Variants in MLLT1 observed in about 807,000 individuals in gnomAD.
MLLT1 encodes the protein protein ENL.
Under a neutral mutation model 55.1 loss-of-function variants are expected in MLLT1, and 11 were observed. The ratio of observed to expected loss-of-function variants is 0.20; its 90% CI spans 0.13 to 0.33. The LOEUF (loss-of-function observed/expected upper bound fraction) is 0.33. Ranked by LOEUF, MLLT1 falls within the 10% of genes least tolerant of loss-of-function variation. The pLI is 1.00. For missense variants in MLLT1, 536 were observed against 760.6 expected (o/e 0.70, Z 3.47); for synonymous variants, 323 against 320.1 (o/e 1.01, Z -0.10).
intron 2 of MLLT1, among the ~76,000 whole-genome samples, chr19:6,267,055 A>C (rs866630937): frequency 6.6e-6 from 1 of 152,076 alleles, no homozygotes; most frequent in East Asian, 1.9e-4. Context: ...GCTTGAGCCC[A>C]AGGAGTTGGA....
In MLLT1 at chr19:6,216,434, G is replaced by A. The variant is rs374343929; in HGVS notation, c.1278C>T (p.Ala426=). Reference sequence around the variant, plus strand: ...AGTCCCTCCCCGGGTTGGTCTTGCCGGCAGCCTCCTCGCCTGACGAAGAGT... The same window carrying A: ...AGTCCCTCCCCGGGTTGGTCTTGCCAGCAGCCTCCTCGCCTGACGAAGAGT... ...EDDSSSGEEA[A]GKTNPGRDSR... Residue 426 remains alanine, a synonymous_variant, in exon 8 of 12, where the codon GCC becomes GCT. Transcript: ENST00000252674. 1.4e-5 allele frequency: 22 copies of A among 1,609,084 alleles called. No homozygotes were observed. The highest frequency in any genetic ancestry group is 2.2e-5 in the East Asian group (1 of 44,794).
chr19:6,212,866 G>A lies in MLLT1; in HGVS notation c.*176C>T. Reference sequence around the variant, plus strand: ...GCCCGGCCCCAGGGCTCCTGGCGATGGAGCGGGGAGAGTGGGCAGGGAGCC... The same window carrying A: ...GCCCGGCCCCAGGGCTCCTGGCGATAGAGCGGGGAGAGTGGGCAGGGAGCC... On this transcript the variant is annotated 3_prime_UTR_variant, in exon 12 of 12. Transcript: ENST00000252674. 2.0e-6 allele frequency: 2 copies of A among 984,674 alleles called. No individual in the cohort carries two copies. The highest frequency in any genetic ancestry group is 1.8e-5 in the South Asian group (1 of 55,910). 61.0% of individuals were successfully genotyped at this position (984,674 alleles called of 1,614,324 possible). A position where few individuals can be genotyped will look rare whatever the true frequency, so the allele number is the denominator to read the frequency against.
rs189422715 is a variant in MLLT1 at position 6,226,766 on chromosome 19, G to A, written c.546+211C>T. Among the ~76,000 whole-genome samples, 1 of 152,270 alleles carries A rather than the reference G, an allele frequency of 6.6e-6. No homozygotes were observed. Among genetic ancestry groups the A allele is most frequent in the Non-Finnish European group, 1.5e-5 (1 of 68,028 alleles). On this transcript the variant is annotated intron_variant, in intron 5 of 11. Coordinates refer to ENST00000252674, the MANE Select transcript of MLLT1 (RefSeq NM_005934.4). The surrounding 1 kb of genome is among the most constrained non-coding windows in gnomAD (Gnocchi z 6.3). Reference sequence around the variant, plus strand: ...AGGGTCTCTGGCCTCAAGATGAACAGGGCAAAGAGCCCATGATCACGGGCT... The same window carrying A: ...AGGGTCTCTGGCCTCAAGATGAACAAGGCAAAGAGCCCATGATCACGGGCT...
At position 6,213,506 on chromosome 19, in the gene MLLT1, G is replaced by A. The variant is rs1047914894; in HGVS notation, c.1480-98C>T. 45 of 1,176,878 alleles carry A rather than the reference G, an allele frequency of 3.8e-5. No homozygotes were observed. In the East Asian group the frequency reaches 5.9e-4, roughly 15 times the overall value. 72.9% of individuals were successfully genotyped at this position (1,176,878 alleles called of 1,614,324 possible). A position where few individuals can be genotyped will look rare whatever the true frequency, so the allele number is the denominator to read the frequency against. ...CCATGACCCAGTCCATCCCAGCACA[G>A]GACAGAGGTAGCCACATCCAAACCA... On this transcript the variant is annotated intron_variant, in intron 10 of 11. Transcript: ENST00000252674.
intron 8 of MLLT1, 23 bp from the exon 9 acceptor site, chr19:6,214,061 A>C: frequency 7.3e-7 from 1 of 1,376,046 alleles, no homozygotes; most frequent in Non-Finnish European, 9.5e-7. Flanking sequence ...ACGGGGGCGC[A>C]TCAGGCCCCT....
chr19:6,214,066 G>C, intron 8 of MLLT1, 28 bp from the exon 9 acceptor site: 1 of 1,350,294 alleles, frequency 7.4e-7, no homozygotes. Context: ...GGCGCATCAG[G>C]CCCCTGCCGC....
chr19:6,233,339 G>C (rs570784116), intron 3 of MLLT1, among the ~76,000 whole-genome samples: 48 of 152,358 alleles, frequency 3.2e-4, no homozygotes, highest in African/African-American at 1.1e-3. Flanking sequence ...AGTCCGGTCA[G>C]AGCAGACAAG....
At chr19:6,218,941 C>T (rs1277038470) in intron 6 of MLLT1, among the ~76,000 whole-genome samples, 2 of 152,172 alleles carry the variant, frequency 1.3e-5, no homozygotes, top group African/African-American at 4.8e-5. Flanking sequence ...GCCCCTCAGA[C>T]CAGTCCCCTC....
intron 3 of MLLT1, among the ~76,000 whole-genome samples, chr19:6,255,697 A>G (rs773152548): frequency 6.6e-6 from 1 of 152,246 alleles, no homozygotes; most frequent in Non-Finnish European, 1.5e-5. Flanking sequence ...CAAAATTCCA[A>G]TATAATTTTT....
chr19:6,275,377 G>T (rs1341655126), intron 1 of MLLT1, among the ~76,000 whole-genome samples: 1 of 152,188 alleles, frequency 6.6e-6, no homozygotes, highest in Non-Finnish European at 1.5e-5. Context: ...GCACGTGTGT[G>T]AGCCACACAT....
intron 3 of MLLT1, among the ~76,000 whole-genome samples, chr19:6,249,076 T>C (rs1473330423): frequency 2.0e-5 from 3 of 152,174 alleles, no homozygotes; most frequent in Non-Finnish European, 4.4e-5. Context: ...ATCAAGCCTT[T>C]CTGATGACGT....
chr19:6,278,038 G>A (rs2091436049), intron 1 of MLLT1, among the ~76,000 whole-genome samples: 1 of 152,200 alleles, frequency 6.6e-6, no homozygotes, highest in Non-Finnish European at 1.5e-5. Flanking sequence ...CCATGACCCT[G>A]TGCCACAGGC....
chr19:6,211,991 G>A lies in MLLT1; in HGVS notation c.*1051C>T, dbSNP rs1162291460. 5.6e-6 allele frequency: 6 copies of A among 1,065,824 alleles called. No individual in the cohort carries two copies. The highest frequency in any genetic ancestry group is 5.3e-5 in the Admixed American group (1 of 18,764). 66.0% of individuals were successfully genotyped at this position (1,065,824 alleles called of 1,614,324 possible). ...CCTGCTGATGGCCGAGCCCACGCTC[G>A]AGGGGCTGACCAGAGTTCAATGCGC... On this transcript the variant is annotated 3_prime_UTR_variant, in exon 12 of 12. Coordinates refer to ENST00000252674, the MANE Select transcript of MLLT1 (RefSeq NM_005934.4). The surrounding 1 kb of genome is among the most constrained non-coding windows in gnomAD (Gnocchi z 4.6).
At chr19:6,241,471 C>T (rs150372070) in intron 3 of MLLT1, among the ~76,000 whole-genome samples, 20 of 132,346 alleles carry the variant, frequency 1.5e-4, no homozygotes, top group African/African-American at 5.5e-4. Context: ...AGGTACATGC[C>T]GAGATAGGAA....
At chr19:6,214,837 G>C (rs947016787) in intron 8 of MLLT1, among the ~76,000 whole-genome samples, 1 of 152,108 alleles carries the variant, frequency 6.6e-6, no homozygotes, top group Non-Finnish European at 1.5e-5. Context: ...GAAGCGGCTC[G>C]AGCACACCGG....
rs181299569 is a variant in MLLT1, at chr19:6,231,962, C to T, written c.277-1249G>A. On this transcript the variant is annotated intron_variant, in intron 3 of 11. Transcript: ENST00000252674. This position sits in a 1 kb window ranked among gnomAD's most constrained non-coding sequence, Gnocchi z 5.1. ...ATGGAAACAACGTGCATGGGCCGGGCGCGGTGGCTCACGCCTGTAACCCAG... is the reference window on the plus strand; with the variant it reads ...ATGGAAACAACGTGCATGGGCCGGGTGCGGTGGCTCACGCCTGTAACCCAG... Among the ~76,000 whole-genome samples the T allele has an allele frequency of 4.6e-4, 68 of 149,026 alleles. No homozygotes were observed. Among genetic ancestry groups the T allele is most frequent in the African/African-American group, 1.6e-3 (66 of 40,798 alleles).
At chr19:6,279,085 T>C (rs1246080602) in intron 1 of MLLT1, among the ~76,000 whole-genome samples, 5 of 151,770 alleles carry the variant, frequency 3.3e-5, no homozygotes, top group Non-Finnish European at 7.4e-5. Flanking sequence ...AAGGCTCAGG[T>C]CCAGGTAGGG....
intron 6 of MLLT1, among the ~76,000 whole-genome samples, chr19:6,220,101 C>T (rs377033802): frequency 1.3e-5 from 2 of 152,218 alleles, no homozygotes; most frequent in East Asian, 1.9e-4. Flanking sequence ...CTCGGGGACT[C>T]GGCCCAAAGA....
In MLLT1 at chr19:6,240,785, G is replaced by A. The variant is rs1181289010; in HGVS notation, c.277-10072C>T. On this transcript the variant is annotated intron_variant, in intron 3 of 11. Transcript: ENST00000252674. This position sits in a 1 kb window ranked among gnomAD's most constrained non-coding sequence, Gnocchi z 4.7. ...GGAGGAGCTCCAGTTCCTACCCTGC[G>A]TCCTTCTGTGCTTCGCATTTCCGAT... Among the ~76,000 whole-genome samples, 2 of 152,086 alleles carry A rather than the reference G, an allele frequency of 1.3e-5. No homozygotes were observed. Among genetic ancestry groups the A allele is most frequent in the African/African-American group, 2.4e-5 (1 of 41,398 alleles).
Sources: gnomAD v4.1 joint callset for allele counts (sites outside exome capture counted in the v4.1 genomes callset) on GRCh38, gnomAD v4.1.1 for gene constraint, Gnocchi (gnomAD v3.1) non-coding constraint, MANE v1.5 for transcripts, NCBI Gene and HGNC (gene_info 2026-07-23, HGNC 2026-07-21) for gene names.